RPGRIP1: variants seen among roughly 807,000 people sequenced by gnomAD.
The protein encoded by RPGRIP1 is X-linked retinitis pigmentosa GTPase regulator-interacting protein 1.
Under a neutral mutation model 157.9 loss-of-function variants are expected in RPGRIP1, and 128 were observed. The observed-to-expected ratio is 0.81, with a 90% CI of 0.70 to 0.94. The LOEUF (loss-of-function observed/expected upper bound fraction) is 0.94. Among genes scored for constraint, RPGRIP1 ranks in the 40% least tolerant of loss-of-function variants. The pLI is 0.00. For missense variants in RPGRIP1, 1,486 were observed against 1,545.8 expected, an observed-to-expected ratio of 0.96 and a Z score of 0.65; for synonymous variants, 554 against 571.6, an observed-to-expected ratio of 0.97 and a Z score of 0.44.
chr14:21,294,879 C>T (rs1788826900), intron 3 of RPGRIP1, 70 bp downstream of exon 3: 3 of 1,262,362 alleles, frequency 2.4e-6, no homozygotes, highest in Non-Finnish European at 3.0e-6. Flanking sequence ...GAGCCTTGCT[C>T]TGTTGCCCAG....
At position 21,348,273 on chromosome 14, in the gene RPGRIP1, G is replaced by A. The variant is rs34725281; in HGVS notation, c.3719G>A (p.Gly1240Glu). 4.4e-3 allele frequency: 7,032 copies of A among 1,586,636 alleles called. 262 individuals carry two copies. In the African/African-American group the frequency reaches 0.08, roughly 18 times the overall value. ...YLQLWQILES[G>E]RDILEQELDI... is the part of the protein sequence containing the mutation. Reference sequence around the variant, plus strand: ...CAACTGTGGCAGATCCTGGAGTCAGGAAGAGATATTCTAGAGCAAGAGCTA... The same window carrying A: ...CAACTGTGGCAGATCCTGGAGTCAGAAAGAGATATTCTAGAGCAAGAGCTA... Residue 1240 changes from glycine to glutamate, a missense_variant, in exon 24 of 25, where the codon GGA becomes GAA. Gly to Glu is a moderately conservative substitution (Grantham distance 98). Coordinates refer to ENST00000400017, the MANE Select transcript of RPGRIP1 (RefSeq NM_020366.4).
chr14:21,345,265 G>A (rs1885449647), intron 23 of RPGRIP1, 68 bp downstream of exon 23: 1 of 1,114,840 alleles, frequency 9.0e-7, no homozygotes, highest in Admixed American at 2.1e-5. Flanking sequence ...TTTGAGTTTG[G>A]TTTTGTGCTG....
At chr14:21,301,259 C>A (rs1293967617) in intron 4 of RPGRIP1, 22 bp downstream of exon 4, 2 of 1,568,402 alleles carry the variant, frequency 1.3e-6, no homozygotes, top group East Asian at 2.4e-5. Flanking sequence ...GGCTACATCC[C>A]CTACAGGGCT....
chr14:21,297,317 A>G (rs1594169720), intron 3 of RPGRIP1, among the ~76,000 whole-genome samples: 1 of 151,800 alleles, frequency 6.6e-6, no homozygotes, highest in African/African-American at 2.4e-5. Flanking sequence ...CTGGTCTCGA[A>G]CTCCTTTCCT....
intron 3 of RPGRIP1, among the ~76,000 whole-genome samples, chr14:21,300,276 G>T (rs897210580): frequency 1.4e-5 from 2 of 146,464 alleles, no homozygotes; most frequent in African/African-American, 2.5e-5. Context: ...TTGCACTCCA[G>T]CCTGGGAAAC....
chr14:21,349,259 G>A (rs1358815315), intron 24 of RPGRIP1, among the ~76,000 whole-genome samples: 1 of 150,306 alleles, frequency 6.7e-6, no homozygotes, highest in Admixed American at 6.6e-5. Flanking sequence ...TAGTAGAGAC[G>A]GGCTTTCACC....
chr14:21,312,322 G>A (rs1881572888), intron 9 of RPGRIP1, 111 bp from the exon 10 acceptor site: 2 of 675,642 alleles, frequency 3.0e-6, no homozygotes, highest in East Asian at 5.6e-5. Context: ...AGACACTGGA[G>A]ATGGTGATAG....
At chr14:21,320,213 A>C (rs1882250003) in intron 12 of RPGRIP1, 36 bp downstream of exon 12, 1 of 1,565,302 alleles carries the variant, frequency 6.4e-7, no homozygotes, top group Admixed American at 1.9e-5. Flanking sequence ...TCCACTCTGC[A>C]GAGAGATCTC....
rs762420632 is a variant in RPGRIP1, at chr14:21,325,990, A to G, written c.2527A>G (p.Asn843Asp). The G allele has an allele frequency of 5.6e-6, 9 of 1,613,882 alleles. No homozygotes were observed. The Admixed American group carries it at 1.0e-4, about 18-fold the overall frequency. Residue 843 changes from asparagine to aspartate, a missense_variant, in exon 17 of 25, where the codon AAC becomes GAC. By Grantham distance (23) the Asn-to-Asp change is conservative. Transcript: ENST00000400017. ...DHDTAIIPAS[N>D]NPYFRDQARF... ...TGACACTGCCATCATTCCAGCCAGT[A>G]ACAACCCCTACTTTAGAGACCAGGC...
At chr14:21,313,155 TG>T (rs35212003) in intron 10 of RPGRIP1, among the ~76,000 whole-genome samples, 9 of 151,394 alleles carry the variant, frequency 5.9e-5, no homozygotes, top group Middle Eastern at 3.4e-3. Flanking sequence ...TTTGGGGGGC[TG>T]GGGGGAATCA....
intron 24 of RPGRIP1, 47 bp downstream of exon 24, chr14:21,348,349 C>T: frequency 1.4e-6 from 2 of 1,391,984 alleles, no homozygotes; most frequent in Non-Finnish European, 1.9e-6. Flanking sequence ...GGAAATCATC[C>T]TAATAGTGAA....
chr14:21,337,319 A>G (rs889094459), intron 21 of RPGRIP1, among the ~76,000 whole-genome samples: 1 of 152,190 alleles, frequency 6.6e-6, no homozygotes, highest in Non-Finnish European at 1.5e-5. Context: ...ATGTGGCAAG[A>G]TTAAAATAAG....
chr14:21,323,522 G>A (rs186741992), intron 14 of RPGRIP1, among the ~76,000 whole-genome samples: 4 of 152,110 alleles, frequency 2.6e-5, no homozygotes, highest in East Asian at 1.9e-4. Flanking sequence ...TTCTACCTAC[G>A]TCTGAAGATT....
At chr14:21,321,773 G>A (rs777548693) in intron 13 of RPGRIP1, 81 bp from the exon 14 acceptor site, 1 of 1,389,534 alleles carries the variant, frequency 7.2e-7, no homozygotes, top group Non-Finnish European at 9.9e-7. Flanking sequence ...CAGTCTTCTT[G>A]ACCTAGCCAG....
intron 3 of RPGRIP1, among the ~76,000 whole-genome samples, chr14:21,299,116 A>T (rs557162883): frequency 6.6e-6 from 1 of 151,794 alleles, no homozygotes; most frequent in Admixed American, 6.6e-5. Flanking sequence ...CTCAGATTCA[A>T]GCGATTCTCC....
intron 20 of RPGRIP1, among the ~76,000 whole-genome samples, chr14:21,331,496 T>C (rs1170884250): frequency 6.6e-6 from 1 of 152,104 alleles, no homozygotes; most frequent in Non-Finnish European, 1.5e-5. Flanking sequence ...CACTCCAGCC[T>C]GGGCAACAGA....
Position 21,326,115 on chromosome 14 carries a change from G to C in RPGRIP1, c.2652G>C (p.Ser884=), listed in dbSNP as rs754062559. 3 of 1,605,458 alleles carry C rather than the reference G, an allele frequency of 1.9e-6. No individual in the cohort carries two copies. In the African/African-American group the frequency reaches 4.0e-5, roughly 22 times the overall value. Residue 884 remains serine (S), a synonymous_variant, in exon 17 of 25, where the codon TCG becomes TCC. Coordinates refer to ENST00000400017, the MANE Select transcript of RPGRIP1 (RefSeq NM_020366.4). ...ATGATGAAGACTTAGAGCCTGGCTCGTATCTTGGCCGAGCCCGAGTGCCTT... is the reference window on the plus strand; with the variant it reads ...ATGATGAAGACTTAGAGCCTGGCTCCTATCTTGGCCGAGCCCGAGTGCCTT... ...VFDDEDLEPG[S]YLGRARVPLL... is the part of the protein sequence containing the mutation.
At chr14:21,293,864 G>T (rs1880641707) in intron 2 of RPGRIP1, among the ~76,000 whole-genome samples, 1 of 151,386 alleles carries the variant, frequency 6.6e-6, no homozygotes, top group African/African-American at 2.4e-5. Flanking sequence ...GGGCGAGAGT[G>T]CGAGACTCCG....
chr14:21,280,995 A>C (rs1057395438), intron 1 of RPGRIP1, among the ~76,000 whole-genome samples: 7 of 151,712 alleles, frequency 4.6e-5, no homozygotes, highest in African/African-American at 1.7e-4. Flanking sequence ...ATATAGAGAG[A>C]GTGGAAAATG....
Sources: gnomAD v4.1 joint callset for allele counts (sites outside exome capture counted in the v4.1 genomes callset) on GRCh38, gnomAD v4.1.1 for gene constraint, MANE v1.5 for transcripts, NCBI Gene and HGNC (gene_info 2026-07-23, HGNC 2026-07-21) for gene names.